The following RAI14 variants were observed in gnomAD, a reference collection of about 807,000 sequenced individuals.
The protein encoded by RAI14 is retinoic acid induced 14.
Under a neutral mutation model 115.4 loss-of-function variants are expected in RAI14, and 45 were observed. The ratio of observed to expected loss-of-function variants is 0.39; its 90% CI spans 0.31 to 0.50. The LOEUF (loss-of-function observed/expected upper bound fraction) is 0.50. RAI14 is among the 20% of genes least tolerant of loss of function. RAI14 has a pLI of 0.85. For missense variants in RAI14, 939 were observed against 1,131.2 expected (o/e 0.83, Z 2.44); for synonymous variants, 371 against 415.4 (o/e 0.89, Z 1.30).
chr5:34,820,490 T>C (rs1010545500), intron 13 of RAI14, among the ~76,000 whole-genome samples: 2 of 152,222 alleles, frequency 1.3e-5, no homozygotes, highest in African/African-American at 4.8e-5. Flanking sequence ...AGCATGCCTG[T>C]AGTCCCAGCT....
At chr5:34,812,328 G>C (rs1437082870) in intron 10 of RAI14, 120 bp downstream of exon 10, 1 of 941,596 alleles carries the variant, frequency 1.1e-6, no homozygotes, top group Non-Finnish European at 1.6e-6. Context: ...AAAATACTTA[G>C]GGACTGAAAT....
intron 2 of RAI14, among the ~76,000 whole-genome samples, chr5:34,696,626 C>A (rs1007308883): frequency 6.6e-6 from 1 of 152,196 alleles, no homozygotes; most frequent in African/African-American, 2.4e-5. Flanking sequence ...GACTCAGCCA[C>A]AGGCAGTTTC....
At chr5:34,659,319 GTGCAGTATCGTGATCAC>G (rs1191465780) in intron 1 of RAI14, among the ~76,000 whole-genome samples, 17 of 152,212 alleles carry the variant, frequency 1.1e-4, no homozygotes, top group African/African-American at 4.1e-4. Flanking sequence ...CCAGGCTGGA[GTGCAGTATCGTGATCAC>G]TGCTCACTAC....
intron 2 of RAI14, among the ~76,000 whole-genome samples, chr5:34,724,001 T>G (rs1016712970): frequency 6.6e-6 from 1 of 152,166 alleles, no homozygotes; most frequent in Non-Finnish European, 1.5e-5. Context: ...AAGCAGTATT[T>G]TATACACTAA....
chr5:34,806,680 C>T (rs1045442650), intron 5 of RAI14, among the ~76,000 whole-genome samples: 1 of 151,924 alleles, frequency 6.6e-6, no homozygotes, highest in African/African-American at 2.4e-5. Context: ...AATGTCTAGA[C>T]TGATGATGAT....
chr5:34,711,467 A>G (rs1483614226), intron 2 of RAI14, among the ~76,000 whole-genome samples: 1 of 152,200 alleles, frequency 6.6e-6, no homozygotes, highest in African/African-American at 2.4e-5. Context: ...CAATGGTGGA[A>G]TGTCATCAGT....
intron 2 of RAI14, among the ~76,000 whole-genome samples, chr5:34,718,009 G>A (rs1383730820): frequency 6.6e-6 from 1 of 151,830 alleles, no homozygotes; most frequent in African/African-American, 2.4e-5. Context: ...GGCAAGGCAA[G>A]GAGAGGATGG....
At chr5:34,779,497 C>T (rs534123427) in intron 3 of RAI14, among the ~76,000 whole-genome samples, 1 of 152,332 alleles carries the variant, frequency 6.6e-6, no homozygotes, top group African/African-American at 2.4e-5. Flanking sequence ...CCAAAATCTC[C>T]TTAAGCTGAT....
At chr5:34,671,773 G>T (rs1222399856) in intron 1 of RAI14, among the ~76,000 whole-genome samples, 1 of 151,988 alleles carries the variant, frequency 6.6e-6, no homozygotes, top group African/African-American at 2.4e-5. Flanking sequence ...GAAATCCATT[G>T]TATAAATCCC....
At chr5:34,758,788 C>CAAAGGCAAA (rs1184890756) in intron 3 of RAI14, among the ~76,000 whole-genome samples, 3 of 152,214 alleles carry the variant, frequency 2.0e-5, no homozygotes, top group Non-Finnish European at 4.4e-5. Context: ...ACTGCTCCCA[C>CAAAGGCAAA]ACTACAAAGG....
At chr5:34,740,165 G>C (rs1302326770) in intron 2 of RAI14, among the ~76,000 whole-genome samples, 1 of 152,192 alleles carries the variant, frequency 6.6e-6, no homozygotes, top group Non-Finnish European at 1.5e-5. Flanking sequence ...AAGAAGTTGT[G>C]TATAGGATGC....
At chr5:34,709,405 G>T (rs929505756) in intron 2 of RAI14, among the ~76,000 whole-genome samples, 3 of 152,232 alleles carry the variant, frequency 2.0e-5, no homozygotes, top group African/African-American at 7.2e-5. Flanking sequence ...CTGAGATCAT[G>T]CCACTGCACT....
chr5:34,778,599 G>C (rs1227643209), intron 3 of RAI14, among the ~76,000 whole-genome samples: 1 of 152,048 alleles, frequency 6.6e-6, no homozygotes, highest in African/African-American at 2.4e-5. Flanking sequence ...CATCTCCACA[G>C]CTCCACTGCA....
intron 3 of RAI14, among the ~76,000 whole-genome samples, chr5:34,769,122 G>A (rs769096089): frequency 6.6e-6 from 1 of 152,132 alleles, no homozygotes; most frequent in Admixed American, 6.5e-5. Context: ...GGCACTTAAA[G>A]GATAGTAATC....
chr5:34,664,604 T>G (rs1485409919), intron 1 of RAI14, among the ~76,000 whole-genome samples: 1 of 152,050 alleles, frequency 6.6e-6, no homozygotes, highest in Non-Finnish European at 1.5e-5. Flanking sequence ...TAAGTTCAAT[T>G]TGCTTAATTA....
At chr5:34,673,145 T>G (rs1743737291) in intron 1 of RAI14, among the ~76,000 whole-genome samples, 1 of 152,212 alleles carries the variant, frequency 6.6e-6, no homozygotes, top group African/African-American at 2.4e-5. Context: ...TGTGATTGTT[T>G]TCATTGTTGG....
intron 3 of RAI14, among the ~76,000 whole-genome samples, chr5:34,781,220 C>T (rs894495854): frequency 7.8e-5 from 6 of 77,314 alleles, no homozygotes; most frequent in African/African-American, 1.8e-4. Context: ...CGGGGTCTGT[C>T]GTGGGGTGGG....
intron 16 of RAI14, 128 bp downstream of exon 16, chr5:34,826,607 G>A: frequency 8.1e-7 from 1 of 1,241,836 alleles, no homozygotes; most frequent in African/African-American, 1.5e-5. Context: ...ACTTCAATGA[G>A]CAGTTGACTG....
intron 2 of RAI14, among the ~76,000 whole-genome samples, chr5:34,754,120 T>C (rs1747560649): frequency 6.6e-6 from 1 of 151,410 alleles, no homozygotes; most frequent in Non-Finnish European, 1.5e-5. Context: ...CTGGATAGAA[T>C]AGTTTTATAG....
Sources: allele counts gnomAD v4.1 joint callset (sites outside exome capture counted in the v4.1 genomes callset), GRCh38; gene constraint gnomAD v4.1.1; transcripts MANE v1.5; gene names NCBI Gene and HGNC (gene_info 2026-07-23, HGNC 2026-07-21).